The following NME8 variants were observed in gnomAD, a reference collection of about 807,000 sequenced individuals.
NME8 encodes NME/NM23 family member 8.
In NME8, 72 loss-of-function variants were observed where a neutral mutation model predicts 82.3. The ratio of observed to expected loss-of-function variants is 0.87; its 90% CI spans 0.72 to 1.06. NME8 has a LOEUF of 1.06. Ranked by LOEUF, NME8 falls within the 50% of genes least tolerant of loss-of-function variation. The pLI is 0.00. For synonymous variants in NME8, 267 were observed against 228.5 expected, an observed-to-expected ratio of 1.17 and a Z score of -1.52; for missense variants, 712 against 685.4, an observed-to-expected ratio of 1.04 and a Z score of -0.43.
chr7:37,869,270 G>A lies in NME8; in HGVS notation c.818+1372G>A, dbSNP rs148265798. Among the ~76,000 whole-genome samples the A allele has an allele frequency of 2.0e-5, 3 of 152,210 alleles. No homozygotes were observed. In the East Asian group the frequency reaches 5.8e-4, roughly 29 times the overall value. On this transcript the variant is annotated intron_variant, in intron 11 of 17. Transcript: ENST00000199447. ...AGGAACTCATAAGGTAAATCCTGCT[G>A]GCAAGGAGCTTTTTAAACAGTAGCA...
Position 37,867,691 on chromosome 7 carries a change from T to G in NME8, c.622-11T>G. 1 of 1,606,666 alleles carries G rather than the reference T, an allele frequency of 6.2e-7. No homozygotes were observed. Among genetic ancestry groups the G allele is most frequent in the Non-Finnish European group, 8.5e-7 (1 of 1,173,500 alleles). On this transcript the variant is annotated splice_polypyrimidine_tract_variant and intron_variant, in intron 10 of 17. Transcript: ENST00000199447. ...AGCCTGAAGGAAACAGTTTATCATT[T>G]TATTTTGTAGTGTGACTTCGAAGAG... is the stretch of plus-strand genomic sequence containing the variant.
chr7:37,874,020 C>T (rs745453886), intron 11 of NME8, among the ~76,000 whole-genome samples: 12 of 152,134 alleles, frequency 7.9e-5, no homozygotes, highest in Admixed American at 2.6e-4. Flanking sequence ...AGGCTGCAAC[C>T]CCTGCATTCT....
At chr7:37,880,723 GT>G (rs1419122275) in intron 12 of NME8, among the ~76,000 whole-genome samples, 10 of 152,140 alleles carry the variant, frequency 6.6e-5, no homozygotes, top group African/African-American at 2.2e-4. Flanking sequence ...TACAGACCAA[GT>G]TGGGAAAAAC....
At chr7:37,869,797 C>A (rs1303773296) in intron 11 of NME8, among the ~76,000 whole-genome samples, 1 of 152,104 alleles carries the variant, frequency 6.6e-6, no homozygotes, top group Non-Finnish European at 1.5e-5. Flanking sequence ...GTTTGGTGTG[C>A]TCGGGCTCAG....
At chr7:37,861,983 G>A (rs1206682989) in intron 6 of NME8, 45 bp from the exon 7 acceptor site, 2 of 1,232,916 alleles carry the variant, frequency 1.6e-6, no homozygotes, top group Non-Finnish European at 2.4e-6. Context: ...TTCTTGGTGT[G>A]TTCTCCAAAT....
chr7:37,864,425 A>G lies in NME8; in HGVS notation c.528+4A>G, dbSNP rs1439358379. 1 of 1,568,458 alleles carries G rather than the reference A, an allele frequency of 6.4e-7. No homozygotes were observed. Among genetic ancestry groups the G allele is most frequent in the East Asian group, 2.3e-5 (1 of 43,930 alleles). On this transcript the variant is annotated splice_donor_region_variant and intron_variant, in intron 9 of 17. Coordinates refer to ENST00000199447, the MANE Select transcript of NME8 (RefSeq NM_016616.5). ...AGTTCTAGAAATTAAAAGAAAAGTA[A>G]GTAATATTTTCCAACTATGATTAAA...
intron 5 of NME8, among the ~76,000 whole-genome samples, chr7:37,852,567 T>G (rs1784452674): frequency 1.3e-5 from 2 of 152,202 alleles, no homozygotes; most frequent in African/African-American, 4.8e-5. Flanking sequence ...TTTTCCCTTT[T>G]CCAGAATGTC....
chr7:37,859,251 T>C (rs1447592506), intron 6 of NME8, among the ~76,000 whole-genome samples: 4 of 152,188 alleles, frequency 2.6e-5, no homozygotes, highest in Non-Finnish European at 5.9e-5. Context: ...TGTTCTCTAA[T>C]GCCTGCAATC....
intron 14 of NME8, among the ~76,000 whole-genome samples, chr7:37,886,883 CAA>C (rs1035814886): frequency 4.8e-4 from 72 of 150,672 alleles, no homozygotes; most frequent in African/African-American, 1.6e-3. Context: ...CAAAAACAAA[CAA>C]ACAAAACCCT....
At chr7:37,852,428 T>A (rs775057382) in intron 5 of NME8, among the ~76,000 whole-genome samples, 3 of 152,174 alleles carry the variant, frequency 2.0e-5, no homozygotes, top group Admixed American at 6.6e-5. Context: ...AAATGTGTAA[T>A]GACATGTACT....
In NME8 at chr7:37,888,328, C is replaced by T. The variant is rs1785074828; in HGVS notation, c.1299C>T (p.Gly433=). ...MDSLPVNQLY[G]SDSLETAERE... ...GTTTGCCGGTCAACCAGTTGTATGG[C>T]AGCGATTCATTAGAAACCGCTGAAA... Residue 433 remains glycine, a synonymous_variant, in exon 15 of 18, where the codon GGC becomes GGT. Coordinates refer to ENST00000199447, the MANE Select transcript of NME8 (RefSeq NM_016616.5). The T allele has an allele frequency of 6.2e-7, 1 of 1,613,572 alleles. No homozygotes were observed. Among genetic ancestry groups the T allele is most frequent in the Non-Finnish European group, 8.5e-7 (1 of 1,179,640 alleles).
At chr7:37,895,355 A>G (rs1785208642) in intron 16 of NME8, among the ~76,000 whole-genome samples, 1 of 152,106 alleles carries the variant, frequency 6.6e-6, no homozygotes, top group Admixed American at 6.6e-5. Context: ...AGCTGTACAC[A>G]CTTTATTTCA....
rs1195473934 is a variant in NME8, at chr7:37,863,404, AATTCC to A, written c.400_404del (p.Pro134SerfsTer8). On this transcript the variant is annotated frameshift_variant, in exon 8 of 18. Transcript: ENST00000199447. LOFTEE classifies it high-confidence loss of function. ...GCATTTCTTTTTCATAGTATCCTGA[AATTCC>A]ATTAGTAGACTCAGATTCAGAAGTT... is the stretch of plus-strand genomic sequence containing the variant. 6.3e-7 allele frequency: 1 copy of A among 1,581,198 alleles called. No individual in the cohort carries two copies.
intron 12 of NME8, among the ~76,000 whole-genome samples, chr7:37,877,664 C>A (rs1784877070): frequency 2.6e-5 from 4 of 152,200 alleles, no homozygotes; most frequent in African/African-American, 9.7e-5. Flanking sequence ...GATTTCTCAA[C>A]CTCAGACCGG....
intron 12 of NME8, among the ~76,000 whole-genome samples, chr7:37,879,472 C>A: frequency 6.6e-6 from 1 of 152,086 alleles, no homozygotes; most frequent in East Asian, 1.9e-4. Context: ...AGATTGACTT[C>A]TTTCATTTAG....
At chr7:37,853,885 A>C (rs1004722558) in intron 5 of NME8, among the ~76,000 whole-genome samples, 3 of 151,112 alleles carry the variant, frequency 2.0e-5, no homozygotes, top group Admixed American at 6.6e-5. Context: ...AGAGAGAGGC[A>C]TATAAAAATT....
At chr7:37,890,084 T>C (rs1785105495) in intron 15 of NME8, among the ~76,000 whole-genome samples, 1 of 152,062 alleles carries the variant, frequency 6.6e-6, no homozygotes, top group Admixed American at 6.6e-5. Flanking sequence ...GAATTCTGTA[T>C]TGTTTGCTAT....
intron 12 of NME8, among the ~76,000 whole-genome samples, chr7:37,883,550 T>G (rs1351362637): frequency 6.6e-6 from 1 of 152,214 alleles, no homozygotes; most frequent in Admixed American, 6.5e-5. Context: ...AAGATCTTAG[T>G]CAATATTTGT....
chr7:37,883,962 TACAC>T (rs370823045), intron 12 of NME8, among the ~76,000 whole-genome samples: 43 of 82,278 alleles, frequency 5.2e-4, no homozygotes, highest in Middle Eastern at 6.5e-3. Context: ...GGTTACTGTC[TACAC>T]ACACACACAC....
Sources: allele counts gnomAD v4.1 joint callset (sites outside exome capture counted in the v4.1 genomes callset), GRCh38; gene constraint gnomAD v4.1.1; transcripts MANE v1.5; gene names NCBI Gene and HGNC (gene_info 2026-07-23, HGNC 2026-07-21).